Variants in RRN3 observed in about 807,000 individuals in gnomAD.
RRN3 encodes the protein RNA polymerase I transcription factor RRN3, also known as RNA polymerase I-specific transcription initiation factor RRN3.
A neutral mutation model predicts 82.3 loss-of-function variants in RRN3; 38 were observed. The observed-to-expected ratio is 0.46, with a 90% CI of 0.36 to 0.61. The LOEUF is 0.61. Ranked by LOEUF, RRN3 falls within the 20% of genes least tolerant of loss-of-function variation. RRN3 has a pLI of 0.00. For synonymous variants in RRN3, 284 were observed against 284.3 expected (o/e 1.00, Z 0.01); for missense variants, 726 against 793.1 (o/e 0.92, Z 1.02).
intron 3 of RRN3, among the ~76,000 whole-genome samples, chr16:15,090,118 G>A (rs2046073921): frequency 6.6e-6 from 1 of 151,964 alleles, no homozygotes; most frequent in South Asian, 2.1e-4. Context: ...GCTGAGGCAG[G>A]AGAATTGCTT....
chr16:15,089,804 A>AAAAAAAAC (rs2046056820), intron 3 of RRN3, among the ~76,000 whole-genome samples: 1 of 151,002 alleles, frequency 6.6e-6, no homozygotes, highest in Non-Finnish European at 1.5e-5. Flanking sequence ...AAAAAAAAAA[A>AAAAAAAAC]AAAAAAACAG....
Position 15,084,060 on chromosome 16 carries a change from G to A in RRN3, c.597-478C>T, listed in dbSNP as rs1452932383. ...TATAGCTTCTGAGAAAATCTATAAC[G>A]ACTTAGAGAAAATAAGGTTCTGTTA... On this transcript the variant is annotated intron_variant, in intron 7 of 17. Coordinates refer to ENST00000198767, the MANE Select transcript of RRN3 (RefSeq NM_018427.5). Among the ~76,000 whole-genome samples, 7 of 152,278 alleles carry A rather than the reference G, an allele frequency of 4.6e-5. No homozygotes were observed. In the South Asian group the frequency reaches 1.5e-3, roughly 32 times the overall value.
chr16:15,061,752 G>A lies in RRN3; in HGVS notation c.1948C>T (p.Pro650Ser). 2 of 1,611,654 alleles carry A rather than the reference G, an allele frequency of 1.2e-6. No homozygotes were observed. The highest frequency in any genetic ancestry group is 4.5e-5 in the East Asian group (2 of 44,788). The part of the protein sequence containing the change: ...SPPVLYMQPS[P>S]L ...GTCACAAATTTCTGCCGTCAGAGGGGACTGGGTTGCATGTACAACACGGGT... is the reference window on the plus strand; with the variant it reads ...GTCACAAATTTCTGCCGTCAGAGGGAACTGGGTTGCATGTACAACACGGGT... The change falls in exon 18 of 18, where the codon CCC becomes TCC. Residue 650 changes from proline (P) to serine (S), a missense_variant. Transcript: ENST00000198767.
rs765498699 is a variant in RRN3 at position 15,086,127 on chromosome 16, A to G, written c.472+2T>C. 8 of 1,605,528 alleles carry G rather than the reference A, an allele frequency of 5.0e-6. No homozygotes were observed. The highest frequency in any genetic ancestry group is 1.7e-6 in the Non-Finnish European group (2 of 1,176,662). On this transcript the variant is annotated splice_donor_variant, in intron 5 of 17. Coordinates refer to ENST00000198767, the MANE Select transcript of RRN3 (RefSeq NM_018427.5). LOFTEE classifies it high-confidence loss of function. ...AAAATAAAATTCCAAGCAATGACTT[A>G]CGAGGCACAAAATGGGAAGCAATCA...
In RRN3 at chr16:15,061,604, G is replaced by A. The variant is rs919652917; in HGVS notation, c.*140C>T. ...CAGTCTTCAGATGCTTGATTCAGTC[G>A]AACCTGGAAGTGCCACAGCCGAGGC... On this transcript the variant is annotated 3_prime_UTR_variant, in exon 18 of 18. Coordinates refer to ENST00000198767, the MANE Select transcript of RRN3 (RefSeq NM_018427.5). 14 of 664,756 alleles carry A rather than the reference G, an allele frequency of 2.1e-5. No individual in the cohort carries two copies. The highest frequency in any genetic ancestry group is 1.1e-4 in the African/African-American group (6 of 55,822). The allele number at this position is 664,756 out of a possible 1,614,324, so 41.2% of individuals were successfully genotyped here. A position where few individuals can be genotyped will look rare whatever the true frequency, so the allele number is the denominator to read the frequency against.
At chr16:15,074,303 T>C (rs184880588) in intron 11 of RRN3, among the ~76,000 whole-genome samples, 208 of 152,288 alleles carry the variant, frequency 1.4e-3, no homozygotes, top group Non-Finnish European at 2.4e-3. Context: ...GCCTTTAAAG[T>C]TCCATGAAGT....
chr16:15,093,574 T>G (rs1393053029), intron 1 of RRN3, among the ~76,000 whole-genome samples: 1 of 152,200 alleles, frequency 6.6e-6, no homozygotes, highest in Non-Finnish European at 1.5e-5. Flanking sequence ...ATGAATCATA[T>G]TACGCTAATT....
At chr16:15,075,447 G>A (rs2045413711) in intron 10 of RRN3, among the ~76,000 whole-genome samples, 1 of 151,634 alleles carries the variant, frequency 6.6e-6, no homozygotes, top group South Asian at 2.1e-4. Flanking sequence ...GTGGTACACT[G>A]TAGTCCCAGC....
At chr16:15,093,946 A>G in intron 1 of RRN3, 199 bp downstream of exon 1, 1 of 605,322 alleles carries the variant, frequency 1.7e-6, no homozygotes. Flanking sequence ...CAGAGAACAT[A>G]GTCACTTTTC....
intron 12 of RRN3, among the ~76,000 whole-genome samples, chr16:15,072,171 A>T (rs1213026709): frequency 6.6e-6 from 1 of 151,822 alleles, no homozygotes; most frequent in Non-Finnish European, 1.5e-5. Context: ...TCCCATGACC[A>T]ACACTCTCCT....
rs2044714111 is a variant in RRN3, at chr16:15,061,632, G to T, written c.*112C>A. 1.0e-6 allele frequency: 1 copy of T among 962,870 alleles called. No homozygotes were observed. Among genetic ancestry groups the T allele is most frequent in the Non-Finnish European group, 1.5e-6 (1 of 652,510 alleles). 59.6% of individuals were successfully genotyped at this position (962,870 alleles called of 1,614,324 possible). On this transcript the variant is annotated 3_prime_UTR_variant, in exon 18 of 18. Coordinates refer to ENST00000198767, the MANE Select transcript of RRN3 (RefSeq NM_018427.5). The stretch of plus-strand genomic sequence containing the variant: ...CCTGGAAGTGCCACAGCCGAGGCAG[G>T]CACTCGCTCTAGTTCAATGCCATCA...
chr16:15,083,466 C>G (rs375122906), intron 8 of RRN3, 47 bp downstream of exon 8: 3 of 1,604,394 alleles, frequency 1.9e-6, no homozygotes, highest in Admixed American at 1.7e-5. Context: ...AAAATGAAAT[C>G]GTACAAACAA....
In RRN3 at chr16:15,060,850, A is replaced by G. The variant is rs1405329247; in HGVS notation, c.*894T>C. On this transcript the variant is annotated 3_prime_UTR_variant, in exon 18 of 18. Coordinates refer to ENST00000198767, the MANE Select transcript of RRN3 (RefSeq NM_018427.5). Reference sequence around the variant, plus strand: ...CCTGTTTCCAACAAAGAAATTCCCAATAACTAAGTGATGCAGATCAAAACT... The same window carrying G: ...CCTGTTTCCAACAAAGAAATTCCCAGTAACTAAGTGATGCAGATCAAAACT... The G allele has an allele frequency of 6.6e-6, 1 of 152,260 alleles. No individual in the cohort carries two copies. The highest frequency in any genetic ancestry group is 1.5e-5 in the Non-Finnish European group (1 of 68,056). The allele number at this position is 152,260 out of a possible 1,614,324, so 9.4% of individuals were successfully genotyped here.
chr16:15,089,424 AAC>A (rs1374861315), intron 3 of RRN3, among the ~76,000 whole-genome samples: 1 of 152,184 alleles, frequency 6.6e-6, no homozygotes, highest in Non-Finnish European at 1.5e-5. Context: ...CAGAAGAATC[AAC>A]AGAGTGAGAA....
At chr16:15,085,170 C>T (rs1441286207) in intron 6 of RRN3, among the ~76,000 whole-genome samples, 2 of 152,164 alleles carry the variant, frequency 1.3e-5, no homozygotes, top group Admixed American at 6.5e-5. Context: ...TTTTCTCCAC[C>T]AGCATCAACG....
Position 15,082,846 on chromosome 16 carries a change from C to T in RRN3, c.666+667G>A, listed in dbSNP as rs182506958. ...ATTGTACAAAAACTTAAGCAGAATT[C>T]TTCTATGGAAGGCTTTGTCTTCAGG... On this transcript the variant is annotated intron_variant, in intron 8 of 17. Transcript: ENST00000198767. Among the ~76,000 whole-genome samples, 1,088 of 152,240 alleles carry T rather than the reference C, an allele frequency of 7.1e-3. 10 individuals are homozygous for T. The highest frequency in any genetic ancestry group is 0.011 in the Non-Finnish European group (718 of 68,012).
At chr16:15,076,504 G>A (rs1567203620) in intron 10 of RRN3, 54 bp downstream of exon 10, 1 of 1,207,878 alleles carries the variant, frequency 8.3e-7, no homozygotes, top group Non-Finnish European at 1.2e-6. Flanking sequence ...AGCACTAGCT[G>A]TTTCCACCCT....
At chr16:15,062,183 T>A (rs1212257758) in intron 17 of RRN3, among the ~76,000 whole-genome samples, 1 of 152,140 alleles carries the variant, frequency 6.6e-6, no homozygotes, top group Non-Finnish European at 1.5e-5. Flanking sequence ...CTCCCTCTGA[T>A]AAGCACTTCC....
rs753372806 is a variant in RRN3 at position 15,061,780 on chromosome 16, G to A, written c.1920C>T (p.Ser640=). 4.3e-6 allele frequency: 7 copies of A among 1,613,896 alleles called. No homozygotes were observed. In the Admixed American group the frequency reaches 6.7e-5, roughly 15 times the overall value. Residue 640 remains serine, a synonymous_variant, in exon 18 of 18, where the codon TCC becomes TCT. Transcript: ENST00000198767. The part of the protein sequence containing the change: ...HFRSPSSSVG[S]PPVLYMQPSP... ...TGGGTTGCATGTACAACACGGGTGG[G>A]GAGCCCACACTACTTGAAGGACTTC... is the stretch of plus-strand genomic sequence containing the variant.
Sources: gnomAD v4.1 joint callset for allele counts (sites outside exome capture counted in the v4.1 genomes callset) on GRCh38, gnomAD v4.1.1 for gene constraint, MANE v1.5 for transcripts, NCBI Gene and HGNC (gene_info 2026-07-23, HGNC 2026-07-21) for gene names.